Variants in FOXN3 observed in about 807,000 individuals in gnomAD.
FOXN3 encodes forkhead box protein N3.
FOXN3 carries 7 observed loss-of-function variants against 38.4 expected under a neutral mutation model. The observed-to-expected ratio is 0.18, with a 90% CI of 0.10 to 0.34. The LOEUF is 0.34. Among genes scored for constraint, FOXN3 ranks in the 10% least tolerant of loss-of-function variants. FOXN3 has a pLI of 1.00. For missense variants in FOXN3, 456 were observed against 613.4 expected, an observed-to-expected ratio of 0.74 and a Z score of 2.71; for synonymous variants, 230 against 242.2, an observed-to-expected ratio of 0.95 and a Z score of 0.47.
At chr14:89,506,601 G>A (rs1446146582) in intron 1 of FOXN3, among the ~76,000 whole-genome samples, 6 of 152,120 alleles carry the variant, frequency 3.9e-5, no homozygotes, top group African/African-American at 1.2e-4. Flanking sequence ...CCCTCTGCCC[G>A]GCCACCACCC....
chr14:89,485,993 C>T (rs188066047), intron 1 of FOXN3, among the ~76,000 whole-genome samples: 2 of 152,180 alleles, frequency 1.3e-5, no homozygotes, highest in Non-Finnish European at 2.9e-5. Context: ...CTTCTCCATT[C>T]CCTGAACCAA....
chr14:89,169,852 G>T (rs1163388780), intron 5 of FOXN3, among the ~76,000 whole-genome samples: 1 of 151,860 alleles, frequency 6.6e-6, no homozygotes, highest in Admixed American at 6.6e-5. Flanking sequence ...AAAAAATAGG[G>T]CAAACACAAA....
intron 1 of FOXN3, among the ~76,000 whole-genome samples, chr14:89,475,275 A>C (rs1893188255): frequency 6.6e-6 from 1 of 152,230 alleles, no homozygotes; most frequent in African/African-American, 2.4e-5. Context: ...AACCAAGTAT[A>C]ATGTTGCAGT....
chr14:89,225,665 T>C (rs1291247090), intron 4 of FOXN3, among the ~76,000 whole-genome samples: 4 of 152,166 alleles, frequency 2.6e-5, no homozygotes, highest in Non-Finnish European at 5.9e-5. Context: ...TAGTCTGCAA[T>C]TTACTTTTTG....
At chr14:89,468,336 C>A (rs571319855) in intron 1 of FOXN3, among the ~76,000 whole-genome samples, 2 of 152,206 alleles carry the variant, frequency 1.3e-5, no homozygotes, top group East Asian at 3.9e-4. Context: ...CACCTGTAGT[C>A]CCAGCTACTT....
chr14:89,391,730 C>A (rs940061792), intron 2 of FOXN3, among the ~76,000 whole-genome samples: 1 of 152,140 alleles, frequency 6.6e-6, no homozygotes, highest in Non-Finnish European at 1.5e-5. Flanking sequence ...CCTGGCCGGG[C>A]GCGGTGGCTC....
intron 1 of FOXN3, among the ~76,000 whole-genome samples, chr14:89,469,555 C>T (rs912167345): frequency 1.3e-5 from 2 of 152,334 alleles, no homozygotes; most frequent in South Asian, 2.1e-4. Context: ...ACTGGGCTTT[C>T]GTTTTCTTTC....
intron 3 of FOXN3, among the ~76,000 whole-genome samples, chr14:89,319,302 G>A (rs1887833457): frequency 6.6e-6 from 1 of 152,096 alleles, no homozygotes; most frequent in Non-Finnish European, 1.5e-5. Context: ...AAAAGGATAT[G>A]AAGCACAAAT....
At chr14:89,495,986 G>T (rs1053849596) in intron 1 of FOXN3, among the ~76,000 whole-genome samples, 3 of 152,120 alleles carry the variant, frequency 2.0e-5, no homozygotes, top group Non-Finnish European at 4.4e-5. Flanking sequence ...AGGCTGAAGC[G>T]GGTGGATCAT....
intron 4 of FOXN3, among the ~76,000 whole-genome samples, chr14:89,203,317 C>G (rs1005788817): frequency 6.6e-6 from 1 of 152,178 alleles, no homozygotes; most frequent in Admixed American, 6.5e-5. Flanking sequence ...GCAGTTCAAG[C>G]AAACATCGCA....
At chr14:89,297,175 A>AT (rs1454233310) in intron 3 of FOXN3, among the ~76,000 whole-genome samples, 39 of 152,194 alleles carry the variant, frequency 2.6e-4, no homozygotes, top group Admixed American at 2.6e-4. Flanking sequence ...TATATAAGAC[A>AT]TTACCCAAAC....
intron 4 of FOXN3, among the ~76,000 whole-genome samples, chr14:89,254,866 G>A (rs1045071935): frequency 8.5e-5 from 13 of 152,174 alleles, no homozygotes; most frequent in South Asian, 2.1e-4. Flanking sequence ...TTGCCACTGC[G>A]GCCCAGCCAT....
chr14:89,210,605 T>A (rs1428663451), intron 4 of FOXN3, among the ~76,000 whole-genome samples: 5 of 152,224 alleles, frequency 3.3e-5, no homozygotes, highest in Non-Finnish European at 7.3e-5. Context: ...TATCCCTAAG[T>A]GTCATTTGCA....
chr14:89,404,272 G>A (rs544661994), intron 2 of FOXN3, among the ~76,000 whole-genome samples: 142 of 151,816 alleles, frequency 9.4e-4, no homozygotes, highest in African/African-American at 3.2e-3. Context: ...CACTTTGGGA[G>A]GCCGAGGCGG....
At chr14:89,197,068 TC>T (rs1223427078) in intron 4 of FOXN3, among the ~76,000 whole-genome samples, 1 of 152,240 alleles carries the variant, frequency 6.6e-6, no homozygotes, top group African/African-American at 2.4e-5. Flanking sequence ...GTTTTGTTTC[TC>T]CAGCTCTCTC....
rs1406259556 is a variant in FOXN3 at position 89,423,839 on chromosome 14, G to A, written c.-14-11349C>T. Among the ~76,000 whole-genome samples the A allele has an allele frequency of 5.3e-5, 8 of 152,236 alleles. No homozygotes were observed. In the East Asian group the frequency reaches 1.2e-3, roughly 22 times the overall value. ...AACAAATTAAAATTTCAGTGAGCAC[G>A]GACAGCCACTGATCCTAAATTTCCA... On this transcript the variant is annotated intron_variant, in intron 1 of 6. Transcript: ENST00000345097.
chr14:89,611,551 A>C (rs956676702), intron 1 of FOXN3, among the ~76,000 whole-genome samples: 56 of 152,236 alleles, frequency 3.7e-4, no homozygotes, highest in Non-Finnish European at 6.0e-4. Flanking sequence ...TCACGCCTGT[A>C]ATCCCAGCAC....
chr14:89,534,199 G>A (rs1481009174), intron 1 of FOXN3, among the ~76,000 whole-genome samples: 3 of 147,010 alleles, frequency 2.0e-5, no homozygotes, highest in Non-Finnish European at 3.0e-5. Flanking sequence ...TCTGCCTCCC[G>A]GGTTCAAGCA....
chr14:89,182,885 G>A (rs773366002), intron 4 of FOXN3, among the ~76,000 whole-genome samples: 3 of 152,170 alleles, frequency 2.0e-5, no homozygotes, highest in Non-Finnish European at 4.4e-5. Flanking sequence ...GAAAGCAAGT[G>A]TTAGAACAAC....
Sources: gnomAD v4.1 joint callset for allele counts (sites outside exome capture counted in the v4.1 genomes callset) on GRCh38, gnomAD v4.1.1 for gene constraint, MANE v1.5 for transcripts, NCBI Gene and HGNC (gene_info 2026-07-23, HGNC 2026-07-21) for gene names.